MTHFD1: variants seen among roughly 807,000 people sequenced by gnomAD.
MTHFD1 encodes methylenetetrahydrofolate dehydrogenase, cyclohydrolase and formyltetrahydrofolate synthetase 1, also known as C-1-tetrahydrofolate synthase, cytoplasmic.
A neutral mutation model predicts 110.3 loss-of-function variants in MTHFD1; 44 were observed. The ratio of observed to expected loss-of-function variants is 0.40; its 90% CI spans 0.31 to 0.51. The LOEUF (loss-of-function observed/expected upper bound fraction) is 0.51. Among genes scored for constraint, MTHFD1 ranks in the 20% least tolerant of loss-of-function variants. The probability of loss-of-function intolerance (pLI) is 0.60; values close to 1 mark genes in which losing one functional copy is unlikely to be tolerated. For synonymous variants in MTHFD1, 402 were observed against 428.8 expected, an observed-to-expected ratio of 0.94 and a Z score of 0.77; for missense variants, 909 against 1,173.1, an observed-to-expected ratio of 0.77 and a Z score of 3.29.
chr14:64,412,604 G>A (rs980690401), intron 4 of MTHFD1, 79 bp downstream of exon 4: 1 of 1,065,884 alleles, frequency 9.4e-7, no homozygotes, highest in Non-Finnish European at 1.5e-6. Context: ...GGGCTTTGGG[G>A]ACTGACACAT....
chr14:64,426,501 C>T (rs372864415), intron 11 of MTHFD1, among the ~76,000 whole-genome samples: 1 of 152,112 alleles, frequency 6.6e-6, no homozygotes, highest in Non-Finnish European at 1.5e-5. Context: ...GACAGAGTCT[C>T]GCTCTGTTGC....
At chr14:64,423,819 C>T (rs1263457543) in intron 8 of MTHFD1, among the ~76,000 whole-genome samples, 6 of 151,926 alleles carry the variant, frequency 3.9e-5, no homozygotes, top group East Asian at 1.9e-4. Flanking sequence ...CTCCGCCCCC[C>T]GGGTTCATGC....
At chr14:64,425,905 G>A (rs1326229118) in intron 10 of MTHFD1, 78 bp downstream of exon 10, 12 of 1,561,112 alleles carry the variant, frequency 7.7e-6, no homozygotes, top group Non-Finnish European at 9.7e-6. Flanking sequence ...GTTCACATAT[G>A]CTCCCTCTGA....
Position 64,418,150 on chromosome 14 carries a change from C to G in MTHFD1, c.615+126C>G. The G allele has an allele frequency of 2.4e-6, 3 of 1,249,498 alleles. No individual in the cohort carries two copies. The Admixed American group carries it at 5.9e-5, about 25-fold the overall frequency. The allele number at this position is 1,249,498 out of a possible 1,614,324, so 77.4% of individuals were successfully genotyped here. A position where few individuals can be genotyped will look rare whatever the true frequency, so the allele number is the denominator to read the frequency against. The stretch of plus-strand genomic sequence containing the variant: ...ATCTCATTTTTACAAGATGAAAAAA[C>G]AAATTCAAATTAAAGGCTGAGTGGG... On this transcript the variant is annotated intron_variant, in intron 7 of 27. Transcript: ENST00000652337.
Position 64,417,879 on chromosome 14 carries a change from T to G in MTHFD1, c.479-9T>G. The G allele has an allele frequency of 6.2e-7, 1 of 1,612,362 alleles. No individual in the cohort carries two copies. The highest frequency in any genetic ancestry group is 8.5e-7 in the Non-Finnish European group (1 of 1,179,906). ...CTCCAACTCTGATGCAGGCTGGCTT[T>G]TCTTTCAGGGGTGCCGATTGCCGGA... On this transcript the variant is annotated splice_polypyrimidine_tract_variant and intron_variant, in intron 6 of 27. Coordinates refer to ENST00000652337, the MANE Select transcript of MTHFD1 (RefSeq NM_005956.4). This position sits in a 1 kb window ranked among gnomAD's most constrained non-coding sequence, Gnocchi z 4.4.
At chr14:64,433,451 T>C (rs1285972144) in intron 15 of MTHFD1, among the ~76,000 whole-genome samples, 1 of 152,108 alleles carries the variant, frequency 6.6e-6, no homozygotes, top group East Asian at 1.9e-4. Context: ...AAGCTTTTAC[T>C]CTGTCACCCA....
intron 1 of MTHFD1, among the ~76,000 whole-genome samples, chr14:64,394,692 A>AAT (rs1196590081): frequency 6.6e-6 from 1 of 152,070 alleles, no homozygotes; most frequent in African/African-American, 2.4e-5. Context: ...GACTGCAATG[A>AAT]ATGACTTAAC....
At chr14:64,445,138 CAG>C in intron 22 of MTHFD1, 1 of 297,788 alleles carries the variant, frequency 3.4e-6, no homozygotes, top group Non-Finnish European at 6.5e-6. Flanking sequence ...CAACATTATC[CAG>C]CTCAAATGTC....
At chr14:64,389,984 C>T (rs1566550294) in intron 1 of MTHFD1, among the ~76,000 whole-genome samples, 3 of 152,272 alleles carry the variant, frequency 2.0e-5, no homozygotes, top group East Asian at 1.9e-4. Flanking sequence ...AATATACTTT[C>T]GTTAATTGGA....
At chr14:64,414,723 T>C (rs2078012617) in intron 4 of MTHFD1, among the ~76,000 whole-genome samples, 1 of 145,800 alleles carries the variant, frequency 6.9e-6, no homozygotes, top group Admixed American at 7.1e-5. Context: ...AATGGCACAA[T>C]CTCAACTCAC....
At chr14:64,400,959 C>T in intron 2 of MTHFD1, 82 bp downstream of exon 2, 1 of 1,061,724 alleles carries the variant, frequency 9.4e-7, no homozygotes, top group Non-Finnish European at 1.4e-6. Flanking sequence ...CTACTTTCCT[C>T]CTTTTTTTTT....
chr14:64,398,570 A>T (rs540664284), intron 1 of MTHFD1, among the ~76,000 whole-genome samples: 1 of 152,306 alleles, frequency 6.6e-6, no homozygotes, highest in African/African-American at 2.4e-5. Context: ...AATAAATAAA[A>T]ATCAAAATAA....
intron 16 of MTHFD1, among the ~76,000 whole-genome samples, chr14:64,438,508 CCT>C (rs1287157466): frequency 2.0e-5 from 3 of 152,122 alleles, no homozygotes. Context: ...AGTAGTTAGT[CCT>C]GGGAGGTCGT....
chr14:64,418,956 G>A (rs1005779682), intron 7 of MTHFD1, among the ~76,000 whole-genome samples: 2 of 147,950 alleles, frequency 1.4e-5, no homozygotes, highest in South Asian at 2.2e-4. Flanking sequence ...TCCTGGGCTC[G>A]AGTGATCCTC....
At chr14:64,390,437 A>G (rs976968193) in intron 1 of MTHFD1, 1 of 150,092 alleles carries the variant, frequency 6.7e-6, no homozygotes, top group African/African-American at 2.5e-5. Context: ...CAATTCTCTC[A>G]TATCAGCCTC....
At chr14:64,393,644 T>G (rs1033177250) in intron 1 of MTHFD1, among the ~76,000 whole-genome samples, 2 of 152,160 alleles carry the variant, frequency 1.3e-5, no homozygotes, top group Non-Finnish European at 2.9e-5. Context: ...TCATGGCACC[T>G]GATTGGGGAT....
chr14:64,414,897 C>G (rs2078013818), intron 4 of MTHFD1, among the ~76,000 whole-genome samples: 1 of 152,064 alleles, frequency 6.6e-6, no homozygotes, highest in South Asian at 2.1e-4. Context: ...CTATGTTGGC[C>G]CAGCTGGTCT....
At chr14:64,410,416 G>A (rs1003003418) in intron 2 of MTHFD1, among the ~76,000 whole-genome samples, 4 of 151,442 alleles carry the variant, frequency 2.6e-5, no homozygotes, top group East Asian at 1.9e-4. Flanking sequence ...ATGGGGGGGG[G>A]GGTCTCACTA....
At chr14:64,392,198 T>G (rs2077811643) in intron 1 of MTHFD1, among the ~76,000 whole-genome samples, 1 of 152,220 alleles carries the variant, frequency 6.6e-6, no homozygotes, top group African/African-American at 2.4e-5. Flanking sequence ...ACTAACTTAC[T>G]GCTTTGGGGG....
Sources: gnomAD v4.1 joint callset for allele counts (sites outside exome capture counted in the v4.1 genomes callset) on GRCh38, gnomAD v4.1.1 for gene constraint, Gnocchi (gnomAD v3.1) non-coding constraint, MANE v1.5 for transcripts, NCBI Gene and HGNC (gene_info 2026-07-23, HGNC 2026-07-21) for gene names.